The following VAV3 variants were observed in gnomAD, a reference collection of about 807,000 sequenced individuals.
VAV3 encodes the protein vav guanine nucleotide exchange factor 3, also known as guanine nucleotide exchange factor VAV3.
In VAV3, 94 loss-of-function variants were observed where a neutral mutation model predicts 131.2. That is an observed-to-expected ratio of 0.72 (90% confidence interval 0.61 to 0.85). VAV3 has a LOEUF of 0.85. Among genes scored for constraint, VAV3 ranks in the 40% least tolerant of loss-of-function variants. The probability of loss-of-function intolerance (pLI) is 0.00; values close to 1 mark genes in which losing one functional copy is unlikely to be tolerated. For synonymous variants in VAV3, 349 were observed against 342.0 expected (o/e 1.02, Z -0.22); for missense variants, 939 against 1,002.7 (o/e 0.94, Z 0.86).
rs77256294 is a variant in VAV3 at position 107,947,401 on chromosome 1, A to G, written c.204+17265T>C. Among the ~76,000 whole-genome samples the G allele has an allele frequency of 2.2e-5, 3 of 137,650 alleles. No homozygotes were observed. In the Admixed American group the frequency reaches 2.2e-4, roughly 10 times the overall value. The allele number at this position is 137,650 out of a possible 152,430, so 90.3% of individuals were successfully genotyped here. On this transcript the variant is annotated intron_variant, in intron 1 of 26. Coordinates refer to ENST00000370056, the MANE Select transcript of VAV3 (RefSeq NM_006113.5). ...GAAGTTATAGAGTTCTAAGAGTTCC[A>G]AAAGAACTGTGAGGAAAGCCCTATA...
intron 2 of VAV3, among the ~76,000 whole-genome samples, chr1:107,863,386 T>G (rs1048871124): frequency 1.3e-5 from 2 of 152,198 alleles, no homozygotes; most frequent in Non-Finnish European, 2.9e-5. Context: ...CCTCCCCCAC[T>G]GACAGAATGC....
At chr1:107,874,560 AG>A (rs1419043560) in intron 2 of VAV3, among the ~76,000 whole-genome samples, 1 of 151,956 alleles carries the variant, frequency 6.6e-6, no homozygotes, top group Non-Finnish European at 1.5e-5. Context: ...ATCAACCTAA[AG>A]GGCAGATAAT....
chr1:107,729,049 C>T (rs887066610), intron 15 of VAV3, among the ~76,000 whole-genome samples: 1 of 152,160 alleles, frequency 6.6e-6, no homozygotes, highest in African/African-American at 2.4e-5. Flanking sequence ...AAACTCTATT[C>T]AAGCCCCTAC....
Position 107,748,955 on chromosome 1 carries a change from T to C in VAV3, c.1502+13A>G, listed in dbSNP as rs373556583. 374 of 1,551,940 alleles carry C rather than the reference T, an allele frequency of 2.4e-4. 2 individuals carry two copies. Among genetic ancestry groups the C allele is most frequent in the Non-Finnish European group, 4.6e-5 (53 of 1,140,518 alleles). On this transcript the variant is annotated intron_variant, in intron 15 of 26. Coordinates refer to ENST00000370056, the MANE Select transcript of VAV3 (RefSeq NM_006113.5). ...GTAAAAATAAAAGCACTTTTAAAAA[T>C]AGAAATACTCACAAAGCCATTTCAA...
chr1:107,622,258 T>C (rs770764543), intron 20 of VAV3, among the ~76,000 whole-genome samples: 2 of 152,158 alleles, frequency 1.3e-5, no homozygotes, highest in Non-Finnish European at 2.9e-5. Flanking sequence ...TCAATAAGAA[T>C]CCACACTGAA....
At chr1:107,607,661 T>C (rs2101131923) in intron 22 of VAV3, among the ~76,000 whole-genome samples, 1 of 152,342 alleles carries the variant, frequency 6.6e-6, no homozygotes, top group Middle Eastern at 3.4e-3. Context: ...TATCTCTTGT[T>C]CTGCATACAG....
rs544281864 is a variant in VAV3, at chr1:107,818,534, T to C, written c.322-39042A>G. ...CACATATTAGAAAAACAAACTATAA[T>C]ATGATGGTATTATTTAGAACAGTTA... On this transcript the variant is annotated intron_variant, in intron 2 of 26. Transcript: ENST00000370056. Among the ~76,000 whole-genome samples, 20 of 152,204 alleles carry C rather than the reference T, an allele frequency of 1.3e-4. 1 individual carries two copies. The highest frequency in any genetic ancestry group is 1.2e-3 in the Admixed American group (19 of 15,290).
At chr1:107,701,482 T>C (rs1478136555) in intron 17 of VAV3, among the ~76,000 whole-genome samples, 1 of 152,074 alleles carries the variant, frequency 6.6e-6, no homozygotes, top group Admixed American at 6.5e-5. Context: ...TCTAGGACCA[T>C]GATGGAAGGG....
At chr1:107,834,913 G>A (rs761993810) in intron 2 of VAV3, among the ~76,000 whole-genome samples, 1 of 152,080 alleles carries the variant, frequency 6.6e-6, no homozygotes, top group African/African-American at 2.4e-5. Flanking sequence ...GAGATCCCAT[G>A]ACCCCCACAG....
intron 15 of VAV3, among the ~76,000 whole-genome samples, chr1:107,739,366 G>A (rs1052068159): frequency 6.6e-6 from 1 of 152,182 alleles, no homozygotes; most frequent in Non-Finnish European, 1.5e-5. Context: ...GCACTGTCCC[G>A]TGTCCTACTT....
chr1:107,892,139 T>G (rs888983521), intron 1 of VAV3, among the ~76,000 whole-genome samples: 14 of 152,156 alleles, frequency 9.2e-5, no homozygotes, highest in African/African-American at 3.4e-4. Context: ...TATGTCATAA[T>G]GGCATGTCAT....
At chr1:107,964,528 G>A (rs1290067966) in intron 1 of VAV3, 138 bp downstream of exon 1, 11 of 937,126 alleles carry the variant, frequency 1.2e-5, no homozygotes, top group Admixed American at 8.3e-5. Context: ...AAGTGGTGCC[G>A]AAGTGGTCCC....
intron 2 of VAV3, among the ~76,000 whole-genome samples, chr1:107,781,218 T>C (rs951964785): frequency 8.5e-5 from 13 of 152,202 alleles, no homozygotes; most frequent in African/African-American, 2.2e-4. Context: ...AACTGCTTCA[T>C]GGAGTTACTA....
At chr1:107,964,072 TG>T (rs886736833) in intron 1 of VAV3, among the ~76,000 whole-genome samples, 16 of 152,320 alleles carry the variant, frequency 1.1e-4, no homozygotes, top group Admixed American at 4.6e-4. Flanking sequence ...TAGGAAGAGC[TG>T]TAAACGGGAG....
intron 15 of VAV3, among the ~76,000 whole-genome samples, chr1:107,726,831 C>T (rs575128094): frequency 6.6e-6 from 1 of 152,262 alleles, no homozygotes; most frequent in Admixed American, 6.5e-5. Flanking sequence ...TGATGGTTTA[C>T]AGAGTGGGTA....
intron 24 of VAV3, among the ~76,000 whole-genome samples, chr1:107,598,091 T>G (rs556884924): frequency 9.2e-5 from 14 of 152,180 alleles, no homozygotes; most frequent in Non-Finnish European, 1.9e-4. Context: ...TGGTGGTTCA[T>G]GCCTGTAATC....
chr1:107,604,144 T>C (rs975312805), intron 22 of VAV3, among the ~76,000 whole-genome samples: 5 of 152,202 alleles, frequency 3.3e-5, no homozygotes, highest in African/African-American at 9.7e-5. Flanking sequence ...CAATAGAACT[T>C]AAAAGAAAAA....
intron 1 of VAV3, among the ~76,000 whole-genome samples, chr1:107,951,665 G>A (rs1674539153): frequency 6.6e-6 from 1 of 152,026 alleles, no homozygotes; most frequent in South Asian, 2.1e-4. Flanking sequence ...CAAAAAACAT[G>A]AGTAGACAAT....
intron 2 of VAV3, among the ~76,000 whole-genome samples, chr1:107,796,275 C>G (rs537115136): frequency 6.6e-6 from 1 of 152,168 alleles, no homozygotes; most frequent in African/African-American, 2.4e-5. Flanking sequence ...CATCTCTAAA[C>G]TGAGTGGCAT....
Sources: gnomAD v4.1 joint callset for allele counts (sites outside exome capture counted in the v4.1 genomes callset) on GRCh38, gnomAD v4.1.1 for gene constraint, MANE v1.5 for transcripts, NCBI Gene and HGNC (gene_info 2026-07-23, HGNC 2026-07-21) for gene names.